The following KCNN3 variants were observed in gnomAD, a reference collection of about 807,000 sequenced individuals.
KCNN3 encodes the protein small conductance calcium-activated potassium channel protein 3.
A neutral mutation model predicts 62.9 loss-of-function variants in KCNN3; 16 were observed. The observed-to-expected ratio is 0.25, with a 90% CI of 0.17 to 0.39. The LOEUF (loss-of-function observed/expected upper bound fraction) is 0.39, where lower values mean the gene tolerates loss of function less well. KCNN3 is among the 10% of genes least tolerant of loss of function. The pLI is 1.00. For synonymous variants in KCNN3, 370 were observed against 389.2 expected (o/e 0.95, Z 0.58); for missense variants, 599 against 949.4 (o/e 0.63, Z 4.85).
intron 2 of KCNN3, among the ~76,000 whole-genome samples, chr1:154,789,585 T>C (rs989353671): frequency 3.3e-5 from 5 of 152,166 alleles, no homozygotes; most frequent in Non-Finnish European, 7.3e-5. Flanking sequence ...AACTGCCAAG[T>C]GTCACCCAGG....
At chr1:154,833,621 C>T (rs943107353) in intron 1 of KCNN3, among the ~76,000 whole-genome samples, 1 of 152,220 alleles carries the variant, frequency 6.6e-6, no homozygotes, top group Non-Finnish European at 1.5e-5. Flanking sequence ...CTGGCCTACC[C>T]AAGGCCACAC....
intron 3 of KCNN3, chr1:154,737,116 G>T (rs1416207638): frequency 1.5e-6 from 1 of 674,596 alleles, no homozygotes; most frequent in South Asian, 1.5e-5. Context: ...AGGGAGAAAA[G>T]GTTTCTAAAC....
rs775447249 is a variant in KCNN3 at position 154,713,460 on chromosome 1, T to G, written c.1899+4A>C. ...AGGGGATGTCTCCAGACACTGCCACTCACCTTGGAAAGGTCCACCAGAGTG... is the reference window on the plus strand; with the variant it reads ...AGGGGATGTCTCCAGACACTGCCACGCACCTTGGAAAGGTCCACCAGAGTG... On this transcript the variant is annotated splice_donor_region_variant and intron_variant, in intron 7 of 7. Coordinates refer to ENST00000271915, the MANE Select transcript of KCNN3 (RefSeq NM_002249.6). The G allele has an allele frequency of 6.2e-7, 1 of 1,612,090 alleles. No homozygotes were observed. The highest frequency in any genetic ancestry group is 1.7e-5 in the Admixed American group (1 of 60,022).
At chr1:154,725,545 C>CT (rs748710722) in intron 5 of KCNN3, among the ~76,000 whole-genome samples, 1,613 of 136,176 alleles carry the variant, frequency 0.012, 42 homozygotes, top group East Asian at 0.064. Context: ...TTCCTTCCTT[C>CT]TTTTTTTTTT....
At chr1:154,856,450 A>G (rs1652533297) in intron 1 of KCNN3, among the ~76,000 whole-genome samples, 1 of 152,178 alleles carries the variant, frequency 6.6e-6, no homozygotes, top group South Asian at 2.1e-4. Context: ...CCGAAATTCC[A>G]TCTGGTGCTC....
At chr1:154,806,300 G>T (rs1309020038) in intron 2 of KCNN3, among the ~76,000 whole-genome samples, 1 of 152,258 alleles carries the variant, frequency 6.6e-6, no homozygotes, top group Admixed American at 6.5e-5. Context: ...CTGTGCACCA[G>T]CAAAGGGCTG....
intron 3 of KCNN3, among the ~76,000 whole-genome samples, chr1:154,761,583 G>A (rs1350625612): frequency 1.3e-5 from 2 of 151,946 alleles, no homozygotes; most frequent in Non-Finnish European, 2.9e-5. Flanking sequence ...ATGCTATTTT[G>A]TACGCTCCTT....
intron 2 of KCNN3, among the ~76,000 whole-genome samples, chr1:154,785,637 C>T (rs939007259): frequency 3.8e-5 from 5 of 129,932 alleles, no homozygotes; most frequent in Middle Eastern, 5.7e-3. Context: ...GGCTAGAGTA[C>T]AGTGGCACGA....
chr1:154,821,992 T>G (rs551186936), intron 2 of KCNN3, 97 bp downstream of exon 2: 566 of 867,740 alleles, frequency 6.5e-4, no homozygotes, highest in Non-Finnish European at 8.6e-4. Context: ...CCCAAGTAGC[T>G]GCTAAGGGAG....
At chr1:154,744,599 T>C (rs1251556713) in intron 3 of KCNN3, among the ~76,000 whole-genome samples, 2 of 152,220 alleles carry the variant, frequency 1.3e-5, no homozygotes. Context: ...TTAGAAGCTA[T>C]TATGAAAGGA....
intron 2 of KCNN3, among the ~76,000 whole-genome samples, chr1:154,773,705 C>T (rs965718966): frequency 2.4e-4 from 37 of 152,240 alleles, no homozygotes; most frequent in Admixed American, 1.3e-3. Context: ...TCCCAAGGTC[C>T]CTTCCAGCAC....
At chr1:154,859,748 T>TG in intron 1 of KCNN3, 1 of 1,614,180 alleles carries the variant, frequency 6.2e-7, no homozygotes, top group East Asian at 2.2e-5. Flanking sequence ...CAACTGTCCT[T>TG]GCAGATGTCG....
chr1:154,768,405 G>A (rs1648393130), intron 3 of KCNN3, among the ~76,000 whole-genome samples: 1 of 152,202 alleles, frequency 6.6e-6, no homozygotes, highest in Admixed American at 6.5e-5. Context: ...ATATTAACGG[G>A]GCAGATTCCT....
At chr1:154,729,553 A>G (rs1451324961) in intron 4 of KCNN3, among the ~76,000 whole-genome samples, 1 of 152,208 alleles carries the variant, frequency 6.6e-6, no homozygotes. Context: ...TAGAAGCTGG[A>G]AAAACAAGTA....
intron 2 of KCNN3, among the ~76,000 whole-genome samples, chr1:154,777,621 C>T (rs968481653): frequency 2.0e-5 from 3 of 152,194 alleles, no homozygotes; most frequent in Non-Finnish European, 2.9e-5. Context: ...GAACCAGGAT[C>T]TTGAGTAGCA....
chr1:154,842,203 G>T (rs908193029), intron 1 of KCNN3, among the ~76,000 whole-genome samples: 4 of 152,184 alleles, frequency 2.6e-5, no homozygotes, highest in Admixed American at 1.3e-4. Flanking sequence ...GGTCCAGAGG[G>T]TTCTCCCACC....
At chr1:154,761,427 C>G (rs1217424498) in intron 3 of KCNN3, among the ~76,000 whole-genome samples, 1 of 151,928 alleles carries the variant, frequency 6.6e-6, no homozygotes, top group Admixed American at 6.6e-5. Context: ...AAGATTGCGC[C>G]ACTGCACTAC....
chr1:154,734,166 G>T (rs1203262000), intron 3 of KCNN3, among the ~76,000 whole-genome samples: 1 of 152,224 alleles, frequency 6.6e-6, no homozygotes, highest in Non-Finnish European at 1.5e-5. Context: ...CAAGGGAGCT[G>T]GTTGCAGGCT....
chr1:154,818,485 T>C (rs1204013911), intron 2 of KCNN3, among the ~76,000 whole-genome samples: 1 of 152,196 alleles, frequency 6.6e-6, no homozygotes, highest in Admixed American at 6.5e-5. Context: ...AAAATTCAGA[T>C]GTTGCCAATG....
Sources: gnomAD v4.1 joint callset for allele counts (sites outside exome capture counted in the v4.1 genomes callset) on GRCh38, gnomAD v4.1.1 for gene constraint, MANE v1.5 for transcripts, NCBI Gene and HGNC (gene_info 2026-07-23, HGNC 2026-07-21) for gene names.